GMDS: variants seen among roughly 807,000 people sequenced by gnomAD.
The protein encoded by GMDS is GDP-mannose 4,6-dehydratase.
In GMDS, 20 loss-of-function variants were observed where a neutral mutation model predicts 49.9. That is an observed-to-expected ratio of 0.40 (90% CI 0.28 to 0.58). The LOEUF (loss-of-function observed/expected upper bound fraction) is 0.58, where lower values mean the gene tolerates loss of function less well. Among genes scored for constraint, GMDS ranks in the 20% least tolerant of loss-of-function variants. The pLI, the probability that GMDS is intolerant of heterozygous loss-of-function variation, is 0.42. For synonymous variants in GMDS, 177 were observed against 178.6 expected (o/e 0.99, Z 0.07); for missense variants, 362 against 481.4 (o/e 0.75, Z 2.32).
intron 9 of GMDS, 38 bp from the exon 10 acceptor site, chr6:1,624,578 C>T (rs775773131): frequency 4.8e-6 from 7 of 1,457,208 alleles, no homozygotes; most frequent in Admixed American, 1.7e-5. Context: ...AGGCGTGGGT[C>T]GTGGGGGTGG....
At chr6:2,205,933 C>A (rs1257653637) in intron 1 of GMDS, among the ~76,000 whole-genome samples, 1 of 152,126 alleles carries the variant, frequency 6.6e-6, no homozygotes, top group Non-Finnish European at 1.5e-5. Context: ...GCAACTTGTC[C>A]ATTTTTCACT....
At chr6:1,653,196 T>C (rs537989830) in intron 9 of GMDS, among the ~76,000 whole-genome samples, 1 of 152,246 alleles carries the variant, frequency 6.6e-6, no homozygotes, top group East Asian at 1.9e-4. Flanking sequence ...AACTGGACTG[T>C]ACACTGCCGT....
intron 4 of GMDS, among the ~76,000 whole-genome samples, chr6:1,963,716 G>C (rs1764101277): frequency 6.6e-6 from 1 of 152,120 alleles, no homozygotes; most frequent in African/African-American, 2.4e-5. Context: ...TGAGGAAACA[G>C]TGCATTGAGA....
At chr6:2,113,851 C>T (rs2127497890) in intron 4 of GMDS, among the ~76,000 whole-genome samples, 1 of 152,234 alleles carries the variant, frequency 6.6e-6, no homozygotes, top group East Asian at 1.9e-4. Context: ...AATGACCTTA[C>T]AAACCAAAAT....
chr6:2,112,672 A>T (rs1057413230), intron 4 of GMDS, among the ~76,000 whole-genome samples: 1 of 152,118 alleles, frequency 6.6e-6, no homozygotes, highest in African/African-American at 2.4e-5. Context: ...TCAACTTCTA[A>T]ACCCCTTGCA....
At chr6:1,826,457 G>A (rs1771114753) in intron 7 of GMDS, among the ~76,000 whole-genome samples, 1 of 152,136 alleles carries the variant, frequency 6.6e-6, no homozygotes, top group Admixed American at 6.5e-5. Context: ...TGCAAAAGGA[G>A]GTTCTAAAAT....
intron 7 of GMDS, among the ~76,000 whole-genome samples, chr6:1,761,444 C>G (rs1251431377): frequency 1.3e-5 from 2 of 152,148 alleles, no homozygotes; most frequent in African/African-American, 4.8e-5. Context: ...AGTAGTCTGA[C>G]AAGTTATCAA....
chr6:2,053,859 A>T (rs1261632610), intron 4 of GMDS, among the ~76,000 whole-genome samples: 1 of 152,162 alleles, frequency 6.6e-6, no homozygotes, highest in Non-Finnish European at 1.5e-5. Flanking sequence ...ATGTTAACTA[A>T]GTAAATAGTT....
At chr6:1,924,913 G>A (rs997607688) in intron 7 of GMDS, among the ~76,000 whole-genome samples, 6 of 151,728 alleles carry the variant, frequency 4.0e-5, no homozygotes, top group South Asian at 2.1e-4. Context: ...GGCCGAAATC[G>A]CACCACTGCA....
chr6:1,925,852 G>A (rs1761976125), intron 7 of GMDS, among the ~76,000 whole-genome samples: 1 of 151,958 alleles, frequency 6.6e-6, no homozygotes, highest in Non-Finnish European at 1.5e-5. Flanking sequence ...GACCACCCTG[G>A]CCCACCACAC....
intron 7 of GMDS, among the ~76,000 whole-genome samples, chr6:1,824,229 G>T (rs1581224847): frequency 6.6e-6 from 1 of 152,080 alleles, no homozygotes; most frequent in East Asian, 1.9e-4. Context: ...AGGGTGGCCA[G>T]TGTTGCACCA....
intron 6 of GMDS, among the ~76,000 whole-genome samples, chr6:1,950,901 C>T (rs2761235): frequency 0.24 from 37,015 of 151,502 alleles, 5,857 homozygotes; most frequent in African/African-American, 0.46. Context: ...ACCATCTGGA[C>T]AGGACAGGCG....
chr6:1,920,635 T>TA (rs1761668954), intron 7 of GMDS, among the ~76,000 whole-genome samples: 2 of 152,260 alleles, frequency 1.3e-5, no homozygotes, highest in South Asian at 4.1e-4. Flanking sequence ...GAGAGATATT[T>TA]ACATCTATTT....
intron 7 of GMDS, among the ~76,000 whole-genome samples, chr6:1,743,309 T>C (rs1767347296): frequency 6.6e-6 from 1 of 152,224 alleles, no homozygotes; most frequent in Non-Finnish European, 1.5e-5. Context: ...GTCCCAGCAC[T>C]TTGGGAGGCC....
intron 1 of GMDS, among the ~76,000 whole-genome samples, chr6:2,223,012 C>T (rs530576368): frequency 1.0e-3 from 153 of 152,230 alleles, no homozygotes; most frequent in Admixed American, 3.5e-3. Context: ...GCTGCAACAT[C>T]AACTCTTTCC....
chr6:2,069,911 T>C (rs1410048756), intron 4 of GMDS, among the ~76,000 whole-genome samples: 17 of 152,198 alleles, frequency 1.1e-4, no homozygotes, highest in African/African-American at 3.9e-4. Context: ...AGCCATCCCA[T>C]TACTGGGTAT....
At chr6:1,941,624 C>T (rs972493648) in intron 6 of GMDS, among the ~76,000 whole-genome samples, 1 of 152,186 alleles carries the variant, frequency 6.6e-6, no homozygotes, top group African/African-American at 2.4e-5. Flanking sequence ...AAAACTTCTG[C>T]TGTCAGTGAG....
intron 7 of GMDS, among the ~76,000 whole-genome samples, chr6:1,904,693 C>T (rs926060693): frequency 2.6e-5 from 4 of 152,152 alleles, no homozygotes; most frequent in African/African-American, 9.7e-5. Flanking sequence ...TCCTGTTGGC[C>T]AAGTTAGGGC....
intron 7 of GMDS, among the ~76,000 whole-genome samples, chr6:1,820,270 G>A (rs1770838021): frequency 6.6e-6 from 1 of 152,136 alleles, no homozygotes; most frequent in South Asian, 2.1e-4. Context: ...TGTGGATAAA[G>A]AATGCTTTGG....
Sources: gnomAD v4.1 joint callset for allele counts (sites outside exome capture counted in the v4.1 genomes callset) on GRCh38, gnomAD v4.1.1 for gene constraint, MANE v1.5 for transcripts, NCBI Gene and HGNC (gene_info 2026-07-23, HGNC 2026-07-21) for gene names.